Variants in TDRD9 observed in about 807,000 individuals in gnomAD.
TDRD9 encodes the protein ATP-dependent RNA helicase TDRD9.
A neutral mutation model predicts 172.6 loss-of-function variants in TDRD9; 124 were observed. That is an observed-to-expected ratio of 0.72 (90% CI 0.62 to 0.83). TDRD9 has a LOEUF of 0.83. Ranked by LOEUF, TDRD9 falls within the 40% of genes least tolerant of loss-of-function variation. The probability of loss-of-function intolerance (pLI) is 0.00; values close to 1 mark genes in which losing one functional copy is unlikely to be tolerated. For synonymous variants in TDRD9, 619 were observed against 617.1 expected, an observed-to-expected ratio of 1.00 and a Z score of -0.05; for missense variants, 1,479 against 1,714.1, an observed-to-expected ratio of 0.86 and a Z score of 2.42.
chr14:104,045,268 G>A (rs539712473), intron 34 of TDRD9, among the ~76,000 whole-genome samples: 8 of 152,234 alleles, frequency 5.3e-5, no homozygotes, highest in African/African-American at 1.7e-4. Context: ...GCACCGGCAC[G>A]TGTTGTTACT....
chr14:103,936,266 T>A (rs1490212699), intron 1 of TDRD9, among the ~76,000 whole-genome samples: 1 of 152,078 alleles, frequency 6.6e-6, no homozygotes, highest in East Asian at 1.9e-4. Context: ...ATTAAAAAAA[T>A]GTTTTTGGAG....
At position 104,026,909 on chromosome 14, in the gene TDRD9, C is replaced by T. The variant is rs142825405; in HGVS notation, c.3252C>T (p.Ala1084=). 108 of 1,613,892 alleles carry T rather than the reference C, an allele frequency of 6.7e-5. No individual in the cohort carries two copies. Among genetic ancestry groups the T allele is most frequent in the African/African-American group, 3.9e-4 (29 of 75,052 alleles). The part of the protein sequence containing the change: ...IRDVLIQQGY[A]ELTEESYESK... ...ACGTCCTCATCCAGCAGGGCTATGCCGAGCTCACGGAGGAGTCCTACGAGT... is the reference window on the plus strand; with the variant it reads ...ACGTCCTCATCCAGCAGGGCTATGCTGAGCTCACGGAGGAGTCCTACGAGT... Residue 1084 remains alanine, a synonymous_variant, in exon 28 of 36, where the codon GCC becomes GCT. Transcript: ENST00000409874.
rs1032743776 is a variant in TDRD9 at position 103,928,927 on chromosome 14, T to G, written c.215+203T>G. The G allele has an allele frequency of 2.2e-4, 43 of 192,054 alleles. No individual in the cohort carries two copies. The East Asian group carries it at 4.4e-3, about 19-fold the overall frequency. The allele number at this position is 192,054 out of a possible 1,614,324, so 11.9% of individuals were successfully genotyped here. On this transcript the variant is annotated intron_variant, in intron 1 of 35. Coordinates refer to ENST00000409874, the MANE Select transcript of TDRD9 (RefSeq NM_153046.3). ...CTGTAAGGAAGCTGAGCTAGAGGTT[T>G]TTTTTTTTTTTTTTTTTTCAGTTCT...
chr14:103,955,111 A>G (rs1270141440), intron 1 of TDRD9, among the ~76,000 whole-genome samples: 3 of 151,700 alleles, frequency 2.0e-5, no homozygotes, highest in African/African-American at 7.3e-5. Flanking sequence ...TTTTATAGAG[A>G]TGGGGTTTCA....
At chr14:104,034,813 G>C in intron 31 of TDRD9, 147 bp from the exon 32 acceptor site, 1 of 603,936 alleles carries the variant, frequency 1.7e-6, no homozygotes, top group Non-Finnish European at 3.0e-6. Context: ...CAGGGAGTGT[G>C]CGTTACTATT....
At chr14:103,941,639 G>T (rs1469634984) in intron 1 of TDRD9, 2 of 1,535,190 alleles carry the variant, frequency 1.3e-6, no homozygotes, top group Non-Finnish European at 1.7e-6. Context: ...AGCCAGGATA[G>T]TGTGTGGGTT....
chr14:104,031,265 T>C lies in TDRD9; in HGVS notation c.3438+2T>C. On this transcript the variant is annotated splice_donor_variant, in intron 29 of 35. Coordinates refer to ENST00000409874, the MANE Select transcript of TDRD9 (RefSeq NM_153046.3). LOFTEE classifies it high-confidence loss of function. ...AAACTGGGTACTCCAAACTGTAAGG[T>C]GATTGTAGGAGTTTTAAAATGTAAT... The C allele has an allele frequency of 1.9e-6, 3 of 1,547,472 alleles. No homozygotes were observed. Among genetic ancestry groups the C allele is most frequent in the Non-Finnish European group, 2.6e-6 (3 of 1,145,498 alleles).
intron 34 of TDRD9, among the ~76,000 whole-genome samples, chr14:104,043,827 A>G (rs1566805437): frequency 6.6e-6 from 1 of 152,154 alleles, no homozygotes; most frequent in Non-Finnish European, 1.5e-5. Context: ...AGAGAAGTTT[A>G]CTCATAAGTA....
intron 11 of TDRD9, 109 bp from the exon 12 acceptor site, chr14:103,995,641 A>G: frequency 2.1e-6 from 2 of 944,782 alleles, no homozygotes; most frequent in Non-Finnish European, 3.1e-6. Context: ...ACCTGAGTTC[A>G]GTATTTACAT....
chr14:103,931,572 C>G (rs776453277), intron 1 of TDRD9, among the ~76,000 whole-genome samples: 48 of 152,264 alleles, frequency 3.2e-4, no homozygotes, highest in South Asian at 8.3e-4. Flanking sequence ...TCAACTGATT[C>G]TTTCATGATT....
intron 1 of TDRD9, among the ~76,000 whole-genome samples, chr14:103,943,901 A>T (rs1210894704): frequency 6.6e-6 from 1 of 152,190 alleles, no homozygotes; most frequent in Non-Finnish European, 1.5e-5. Context: ...TGTTAGAAAA[A>T]GCCAGATGTC....
At chr14:104,033,828 T>C in intron 30 of TDRD9, 132 bp from the exon 31 acceptor site, 1 of 624,058 alleles carries the variant, frequency 1.6e-6, no homozygotes, top group Non-Finnish European at 3.0e-6. Flanking sequence ...GAGTGGGGGG[T>C]TAAATATTTC....
chr14:103,950,090 C>CTTTTTTTTTT (rs58379140), intron 1 of TDRD9, among the ~76,000 whole-genome samples: 23 of 108,448 alleles, frequency 2.1e-4, no homozygotes, highest in East Asian at 5.4e-4. Context: ...TCCTTCCTTC[C>CTTTTTTTTTT]TTTTTTTTTT....
chr14:103,966,331 G>A (rs1303373603), intron 4 of TDRD9, among the ~76,000 whole-genome samples: 1 of 151,910 alleles, frequency 6.6e-6, no homozygotes, highest in Non-Finnish European at 1.5e-5. Context: ...ACTCTGTTTC[G>A]AAAAGAAAAA....
chr14:104,040,126 T>C (rs1017073863), intron 32 of TDRD9, 70 bp from the exon 33 acceptor site: 36 of 1,283,938 alleles, frequency 2.8e-5, no homozygotes, highest in Admixed American at 3.7e-5. Flanking sequence ...TATCGGTCAA[T>C]TTTTACATGC....
intron 11 of TDRD9, among the ~76,000 whole-genome samples, 197 bp downstream of exon 11, chr14:103,994,800 T>A (rs958914431): frequency 6.6e-6 from 1 of 151,848 alleles, no homozygotes; most frequent in African/African-American, 2.4e-5. Flanking sequence ...ACAAAAAATA[T>A]AAAAATTACC....
At position 103,986,062 on chromosome 14, in the gene TDRD9, C is replaced by T. The variant is rs901644761; in HGVS notation, c.1012-155C>T. On this transcript the variant is annotated intron_variant, in intron 7 of 35. Transcript: ENST00000409874. The stretch of plus-strand genomic sequence containing the variant: ...CCTGAGCAGTACTTGGCACACAGCA[C>T]GTGTTCAGACATTGCTGTCAATAAA... Among the ~76,000 whole-genome samples the T allele has an allele frequency of 2.6e-5, 4 of 152,328 alleles. No individual in the cohort carries two copies. In the East Asian group the frequency reaches 7.7e-4, roughly 29 times the overall value.
At chr14:103,934,667 C>T (rs1047014201) in intron 1 of TDRD9, among the ~76,000 whole-genome samples, 12 of 152,188 alleles carry the variant, frequency 7.9e-5, no homozygotes, top group African/African-American at 2.6e-4. Flanking sequence ...CTGTAGTCCC[C>T]GCTACTCGGG....
chr14:104,025,585 T>C lies in TDRD9; in HGVS notation c.2740T>C (p.Trp914Arg), dbSNP rs1245836129. 1 of 1,613,982 alleles carries C rather than the reference T, an allele frequency of 6.2e-7. No individual in the cohort carries two copies. The highest frequency in any genetic ancestry group is 1.7e-5 in the Admixed American group (1 of 60,020). ...VTEVVEVGHFWGYRIDENNSE... is the reference protein window; with the variant it reads ...VTEVVEVGHFRGYRIDENNSE... ...TTAGGTGGTTGAAGTGGGACACTTT[T>C]GGGGATACAGGATTGATGAAAACAA... The change falls in exon 26 of 36, where the codon TGG becomes CGG. Residue 914 changes from tryptophan to arginine, a missense_variant. Physicochemically the swap from Trp to Arg is moderately radical, Grantham distance 101. Around this residue, in one of 3 missense-constraint regions of TDRD9, gnomAD observed 1,413 missense variants for 1,649.1 expected, o/e 0.86. Transcript: ENST00000409874.
Sources: gnomAD v4.1 joint callset for allele counts (sites outside exome capture counted in the v4.1 genomes callset) on GRCh38, gnomAD v4.1.1 for gene constraint, gnomAD v4.1.1 regional missense constraint, MANE v1.5 for transcripts, NCBI Gene and HGNC (gene_info 2026-07-23, HGNC 2026-07-21) for gene names.